Variants in PREX1 observed in about 807,000 individuals in gnomAD.
PREX1 encodes the protein phosphatidylinositol 3,4,5-trisphosphate-dependent Rac exchanger 1 protein.
Under a neutral mutation model 198.3 loss-of-function variants are expected in PREX1, and 41 were observed. The observed-to-expected ratio is 0.21, with a 90% CI of 0.16 to 0.27. The LOEUF (loss-of-function observed/expected upper bound fraction) is 0.27, where lower values mean the gene tolerates loss of function less well. Ranked by LOEUF, PREX1 falls within the 10% of genes least tolerant of loss-of-function variation. The probability of loss-of-function intolerance (pLI) is 1.00; values close to 1 mark genes in which losing one functional copy is unlikely to be tolerated. For missense variants in PREX1, 1,620 were observed against 2,200.7 expected, an observed-to-expected ratio of 0.74 and a Z score of 5.28; for synonymous variants, 843 against 887.2, an observed-to-expected ratio of 0.95 and a Z score of 0.89.
rs543907919 is a variant in PREX1 at position 48,759,714 on chromosome 20, A to T, written c.220-11834T>A. On this transcript the variant is annotated intron_variant, in intron 1 of 39. Transcript: ENST00000371941. Reference sequence around the variant, plus strand: ...CTCCTCTATAACGGGGGATAAAATGAGTACACAGGATTACAATGAGAATTA... The same window carrying T: ...CTCCTCTATAACGGGGGATAAAATGTGTACACAGGATTACAATGAGAATTA... Among the ~76,000 whole-genome samples, 286 of 152,276 alleles carry T rather than the reference A, an allele frequency of 1.9e-3. 2 individuals are homozygous for T. Among genetic ancestry groups the T allele is most frequent in the South Asian group, 7.9e-3 (38 of 4,828 alleles).
intron 32 of PREX1, among the ~76,000 whole-genome samples, chr20:48,636,219 C>G (rs1038093295): frequency 2.6e-5 from 4 of 152,232 alleles, no homozygotes; most frequent in South Asian, 4.1e-4. Flanking sequence ...ATTCTGTTAT[C>G]TGTGTGTGTG....
At chr20:48,760,766 G>A (rs368029206) in intron 1 of PREX1, among the ~76,000 whole-genome samples, 39 of 152,180 alleles carry the variant, frequency 2.6e-4, no homozygotes, top group African/African-American at 7.7e-4. Flanking sequence ...ACCAGGCACC[G>A]AGCTGGGTGC....
chr20:48,772,749 G>A (rs2090242743), intron 1 of PREX1, among the ~76,000 whole-genome samples: 1 of 152,206 alleles, frequency 6.6e-6, no homozygotes, highest in Admixed American at 6.5e-5. Context: ...CAGCCAGGAT[G>A]GCCGCATGGC....
chr20:48,676,394 G>GACTCGGACCCCTGCCCAAT, intron 13 of PREX1, 126 bp from the exon 14 acceptor site: 1 of 850,316 alleles, frequency 1.2e-6, no homozygotes, highest in Non-Finnish European at 1.9e-6. Context: ...GCATTGGGCA[G>GACTCGGACCCCTGCCCAAT]GGGTCCGAGT....
At chr20:48,739,084 G>A (rs761277098) in intron 3 of PREX1, among the ~76,000 whole-genome samples, 4 of 152,098 alleles carry the variant, frequency 2.6e-5, no homozygotes, top group Non-Finnish European at 5.9e-5. Flanking sequence ...ACCTCGGCAC[G>A]CAAAGCCCTA....
intron 1 of PREX1, among the ~76,000 whole-genome samples, chr20:48,780,867 A>G (rs1328139692): frequency 6.6e-6 from 1 of 152,218 alleles, no homozygotes; most frequent in Non-Finnish European, 1.5e-5. Context: ...TAGTAACCTC[A>G]CCATGGAGTA....
Position 48,666,012 on chromosome 20 carries a change from C to T in PREX1, c.1738+271G>A, listed in dbSNP as rs1275901467. ...TGCTGCCTACCCTGGAAGGCCACATCCCCCCCAGGAAGAAGGGCACAGGAA... is the reference window on the plus strand; with the variant it reads ...TGCTGCCTACCCTGGAAGGCCACATTCCCCCCAGGAAGAAGGGCACAGGAA... On this transcript the variant is annotated intron_variant, in intron 15 of 39. Coordinates refer to ENST00000371941, the MANE Select transcript of PREX1 (RefSeq NM_020820.4). The surrounding 1 kb of genome is among the most constrained non-coding windows in gnomAD (Gnocchi z 4.3). Among the ~76,000 whole-genome samples the T allele has an allele frequency of 6.6e-6, 1 of 152,230 alleles. No individual in the cohort carries two copies. Among genetic ancestry groups the T allele is most frequent in the East Asian group, 1.9e-4 (1 of 5,172 alleles).
At chr20:48,809,526 G>C (rs950195766) in intron 1 of PREX1, among the ~76,000 whole-genome samples, 4 of 152,206 alleles carry the variant, frequency 2.6e-5, no homozygotes, top group African/African-American at 4.8e-5. Context: ...GTTTGAGATG[G>C]GTTTTCTGTC....
At position 48,712,044 on chromosome 20, in the gene PREX1, T is replaced by C. The variant is rs1171692323; in HGVS notation, c.622-3623A>G. 2.0e-5 allele frequency among the ~76,000 whole-genome samples: 3 copies of C among 152,322 alleles called. No homozygotes were observed. The East Asian group carries it at 5.8e-4, about 29-fold the overall frequency. On this transcript the variant is annotated intron_variant, in intron 5 of 39. Transcript: ENST00000371941. ...TTAGACGTTGTTTAAGCCACTCTTG[T>C]TTCAGAGCTATGTCACTGCAGCTAA...
intron 11 of PREX1, among the ~76,000 whole-genome samples, 177 bp downstream of exon 11, chr20:48,681,058 T>G (rs1327520223): frequency 6.6e-6 from 1 of 152,208 alleles, no homozygotes; most frequent in Non-Finnish European, 1.5e-5. Flanking sequence ...CCTGATTTGC[T>G]GGTGCCTAAG....
Position 48,702,548 on chromosome 20 carries a change from T to C in PREX1, c.784-1662A>G, listed in dbSNP as rs556075069. 2.0e-5 allele frequency among the ~76,000 whole-genome samples: 3 copies of C among 152,340 alleles called. No homozygotes were observed. In the South Asian group the frequency reaches 6.2e-4, roughly 32 times the overall value. On this transcript the variant is annotated intron_variant, in intron 6 of 39. Transcript: ENST00000371941. ...ATGACTAAGTCATCACCAATGTGCC[T>C]CCCTGCCAGGGCACATCCTCGAAAG... is the stretch of plus-strand genomic sequence containing the variant.
chr20:48,697,176 T>G (rs1478778811), intron 7 of PREX1, among the ~76,000 whole-genome samples: 1 of 152,144 alleles, frequency 6.6e-6, no homozygotes, highest in African/African-American at 2.4e-5. Flanking sequence ...GTATTTGTAT[T>G]TCTTCCACTT....
intron 15 of PREX1, among the ~76,000 whole-genome samples, chr20:48,662,757 T>C (rs2089606647): frequency 6.6e-6 from 1 of 152,200 alleles, no homozygotes; most frequent in Non-Finnish European, 1.5e-5. Context: ...GGCCCTTTCC[T>C]ATTTTAGCCT....
At chr20:48,722,236 C>T (rs532500559) in intron 5 of PREX1, among the ~76,000 whole-genome samples, 2 of 152,182 alleles carry the variant, frequency 1.3e-5, no homozygotes, top group Non-Finnish European at 2.9e-5. Flanking sequence ...AGTGCATAAA[C>T]ACAACGTGGT....
chr20:48,867,297 T>C, the PREX1 span, among the ~76,000 whole-genome samples: 1 of 152,316 alleles, frequency 6.6e-6, no homozygotes, highest in South Asian at 2.1e-4. Context: ...AGAGGGGACA[T>C]GGTTTGTCCA....
rs144578209 is a variant in PREX1, at chr20:48,767,863, A to C, written c.220-19983T>G. ...AGCCTCCCCTGACCATCCTGGCTGAAGCAGCCTCACCCAAGCCACAAGTCG... is the reference window on the plus strand; with the variant it reads ...AGCCTCCCCTGACCATCCTGGCTGACGCAGCCTCACCCAAGCCACAAGTCG... On this transcript the variant is annotated intron_variant, in intron 1 of 39. Coordinates refer to ENST00000371941, the MANE Select transcript of PREX1 (RefSeq NM_020820.4). 3.2e-3 allele frequency among the ~76,000 whole-genome samples: 482 copies of C among 152,280 alleles called. 8 individuals carry two copies. Among genetic ancestry groups the C allele is most frequent in the Admixed American group, 0.027 (412 of 15,292 alleles).
At chr20:48,731,704 G>A (rs950195628) in intron 4 of PREX1, among the ~76,000 whole-genome samples, 21 of 152,216 alleles carry the variant, frequency 1.4e-4, no homozygotes, top group African/African-American at 4.8e-4. Flanking sequence ...TCTTCTGCAC[G>A]TGGCCAAAAG....
At chr20:48,730,274 AT>A (rs2090028897) in intron 4 of PREX1, among the ~76,000 whole-genome samples, 1 of 152,138 alleles carries the variant, frequency 6.6e-6, no homozygotes, top group Admixed American at 6.5e-5. Flanking sequence ...AGCTTCATTC[AT>A]GCCTCTGCTC....
chr20:48,834,088 CA>C, the PREX1 span, among the ~76,000 whole-genome samples: 211 of 129,052 alleles, frequency 1.6e-3, no homozygotes, highest in Admixed American at 1.4e-3. Flanking sequence ...GACTCAGTCT[CA>C]AAAAAAAAAA....
Sources: allele counts gnomAD v4.1 joint callset (sites outside exome capture counted in the v4.1 genomes callset), GRCh38; gene constraint gnomAD v4.1.1; non-coding constraint Gnocchi (gnomAD v3.1); transcripts MANE v1.5; gene names NCBI Gene and HGNC (gene_info 2026-07-23, HGNC 2026-07-21).